The following CFAP221 variants were observed in gnomAD, a reference collection of about 807,000 sequenced individuals.
The protein encoded by CFAP221 is cilia and flagella associated protein 221.
Under a neutral mutation model 113.1 loss-of-function variants are expected in CFAP221, and 97 were observed. The ratio of observed to expected loss-of-function variants is 0.86; its 90% CI spans 0.73 to 1.02. CFAP221 has a LOEUF of 1.02. Ranked by LOEUF, CFAP221 falls within the 50% of genes least tolerant of loss-of-function variation. CFAP221 has a pLI of 0.00. For missense variants in CFAP221, 1,025 were observed against 1,013.4 expected (o/e 1.01, Z -0.16); for synonymous variants, 331 against 354.4 (o/e 0.93, Z 0.74).
At chr2:119,572,428 A>G (rs903780111) in intron 6 of CFAP221, 6 of 566,584 alleles carry the variant, frequency 1.1e-5, no homozygotes, top group African/African-American at 3.7e-5. Context: ...TACAATCTCA[A>G]TCTTCTTATA....
chr2:119,639,968 C>T lies in CFAP221; in HGVS notation c.2225+96C>T, dbSNP rs951790023. On this transcript the variant is annotated intron_variant, in intron 21 of 23. Coordinates refer to ENST00000413369, the MANE Select transcript of CFAP221 (RefSeq NM_001271049.2). ...AGTTAAATGCCAATAATATGTCAAACCATACTTTTAAAGCATGAGAGAAGT... is the reference window on the plus strand; with the variant it reads ...AGTTAAATGCCAATAATATGTCAAATCATACTTTTAAAGCATGAGAGAAGT... 3.8e-6 allele frequency: 4 copies of T among 1,039,640 alleles called. No homozygotes were observed. The African/African-American group carries it at 4.8e-5, about 12-fold the overall frequency. The allele number at this position is 1,039,640 out of a possible 1,614,324, so 64.4% of individuals were successfully genotyped here.
intron 6 of CFAP221, among the ~76,000 whole-genome samples, chr2:119,565,903 C>A (rs1310069897): frequency 1.3e-5 from 2 of 152,190 alleles, no homozygotes; most frequent in Non-Finnish European, 1.5e-5. Context: ...TTGAAGGTAT[C>A]ATTTGGGTGG....
intron 8 of CFAP221, among the ~76,000 whole-genome samples, chr2:119,602,249 C>A (rs1347656123): frequency 6.6e-6 from 1 of 152,060 alleles, no homozygotes; most frequent in East Asian, 1.9e-4. Context: ...ACGTGGCATC[C>A]TGTCTGTAAT....
At position 119,627,681 on chromosome 2, in the gene CFAP221, G is replaced by A. The variant is rs746545326; in HGVS notation, c.1545G>A (p.Arg515=). The A allele has an allele frequency of 6.2e-7, 1 of 1,613,306 alleles. No homozygotes were observed. Among genetic ancestry groups the A allele is most frequent in the South Asian group, 1.1e-5 (1 of 90,988 alleles). The change falls in exon 16 of 24, where the codon AGG becomes AGA. Residue 515 remains arginine, a synonymous_variant. Transcript: ENST00000413369. ...QEANFFKFFL[R]RISQDDYTSR... Reference sequence around the variant, plus strand: ...CGAATTTCTTCAAATTCTTCCTGAGGCGGATCAGTCAGGATGATTATACCA... The same window carrying A: ...CGAATTTCTTCAAATTCTTCCTGAGACGGATCAGTCAGGATGATTATACCA...
rs749010346 is a variant in CFAP221 at position 119,549,143 on chromosome 2, T to G, written c.198T>G (p.His66Gln). The G allele has an allele frequency of 9.9e-5, 152 of 1,535,090 alleles. No homozygotes were observed. Among genetic ancestry groups the G allele is most frequent in the Middle Eastern group, 5.0e-4 (3 of 6,004 alleles). ...TACAGGCAAGACCTGGCATAATACA[T>G]TTTGGAGGCTATCAAGTAGAAAAAC... ...KVIQARPGII[H>Q]FGGYQVEKQH... Residue 66 changes from histidine to glutamine, a missense_variant, in exon 3 of 24, where the codon CAT becomes CAG. Coordinates refer to ENST00000413369, the MANE Select transcript of CFAP221 (RefSeq NM_001271049.2).
Position 119,638,265 on chromosome 2 carries a change from A to G in CFAP221, c.1981A>G (p.Asn661Asp). The stretch of plus-strand genomic sequence containing the variant: ...TTTTCCCTGTCTTCGGCAGAATCCC[A>G]ACCCAGGATTATTTGCTGTAATGCA... ...DYDPLYVFNP[N>D]PGLFAVMHPL... Residue 661 changes from asparagine (N) to aspartate (D), a missense_variant, in exon 20 of 24, where the codon AAC (asparagine) becomes GAC (aspartate). Coordinates refer to ENST00000413369, the MANE Select transcript of CFAP221 (RefSeq NM_001271049.2). The G allele has an allele frequency of 6.2e-7, 1 of 1,614,086 alleles. No individual in the cohort carries two copies. Among genetic ancestry groups the G allele is most frequent in the Non-Finnish European group, 8.5e-7 (1 of 1,179,958 alleles).
chr2:119,657,030 G>T (rs1286869205), downstream of CFAP221, among the ~76,000 whole-genome samples: 1 of 152,098 alleles, frequency 6.6e-6, no homozygotes, highest in Non-Finnish European at 1.5e-5. Flanking sequence ...AGAAGCACCT[G>T]GAGCAGGAGG....
intron 6 of CFAP221, among the ~76,000 whole-genome samples, chr2:119,582,525 G>A (rs181508625): frequency 4.0e-5 from 6 of 149,866 alleles, no homozygotes; most frequent in African/African-American, 1.5e-4. Flanking sequence ...ATGCGCTCTC[G>A]GCTCACTAGA....
At chr2:119,574,789 A>G (rs983425235) in intron 6 of CFAP221, among the ~76,000 whole-genome samples, 4 of 152,206 alleles carry the variant, frequency 2.6e-5, no homozygotes, top group African/African-American at 9.7e-5. Flanking sequence ...TATTTAGAAT[A>G]GAGTAACTAC....
chr2:119,576,841 G>T (rs1682482928), intron 6 of CFAP221, among the ~76,000 whole-genome samples: 1 of 152,180 alleles, frequency 6.6e-6, no homozygotes, highest in African/African-American at 2.4e-5. Flanking sequence ...TTGGGGATTA[G>T]GGTTTAATCA....
At chr2:119,604,847 C>G (rs767142120) in intron 9 of CFAP221, 29 bp from the exon 10 acceptor site, 9 of 1,612,280 alleles carry the variant, frequency 5.6e-6, no homozygotes, top group Non-Finnish European at 6.8e-6. Context: ...GGCAGACTAA[C>G]TGATTTCCCT....
At chr2:119,635,940 C>G (rs968143048) in intron 19 of CFAP221, among the ~76,000 whole-genome samples, 1 of 152,076 alleles carries the variant, frequency 6.6e-6, no homozygotes, top group African/African-American at 2.4e-5. Flanking sequence ...AAAGAAGAAG[C>G]AATTATAATC....
chr2:119,655,302 A>AT (rs1361431687), intron 23 of CFAP221, among the ~76,000 whole-genome samples: 1 of 151,668 alleles, frequency 6.6e-6, no homozygotes. Context: ...TTGCTGACAC[A>AT]TTTTTCAGCA....
rs1686409133 is a variant in CFAP221 at position 119,627,645 on chromosome 2, A to T, written c.1517-8A>T. ...ACCCCCTAAAAGTGCCCTTTTTTTC[A>T]CCCATAGAGGCGAATTTCTTCAAAT... is the stretch of plus-strand genomic sequence containing the variant. On this transcript the variant is annotated splice_polypyrimidine_tract_variant and splice_region_variant and intron_variant, in intron 15 of 23. Coordinates refer to ENST00000413369, the MANE Select transcript of CFAP221 (RefSeq NM_001271049.2). 6.2e-7 allele frequency: 1 copy of T among 1,609,504 alleles called. No individual in the cohort carries two copies. The highest frequency in any genetic ancestry group is 1.3e-5 in the African/African-American group (1 of 74,230).
chr2:119,655,967 C>T (rs985890220), intron 23 of CFAP221: 1 of 212,710 alleles, frequency 4.7e-6, no homozygotes, highest in African/African-American at 2.3e-5. Context: ...TGTGTATCTA[C>T]CTCATTCATA....
intron 19 of CFAP221, among the ~76,000 whole-genome samples, chr2:119,637,669 G>A (rs910569134): frequency 3.9e-5 from 6 of 152,120 alleles, no homozygotes; most frequent in Non-Finnish European, 7.4e-5. Flanking sequence ...TGATATAATT[G>A]CTCTGTGCCT....
At chr2:119,620,002 T>C (rs1685789379) in intron 14 of CFAP221, among the ~76,000 whole-genome samples, 1 of 151,868 alleles carries the variant, frequency 6.6e-6, no homozygotes, top group Non-Finnish European at 1.5e-5. Context: ...AGATTGAAGA[T>C]CAACTTGATG....
intron 6 of CFAP221, among the ~76,000 whole-genome samples, chr2:119,579,510 C>G (rs1001046414): frequency 3.3e-5 from 5 of 152,098 alleles, no homozygotes; most frequent in Non-Finnish European, 7.4e-5. Context: ...ATTATGGTGG[C>G]CATGCAAACT....
At chr2:119,610,961 G>A (rs911277923) in intron 12 of CFAP221, among the ~76,000 whole-genome samples, 1 of 152,078 alleles carries the variant, frequency 6.6e-6, no homozygotes, top group Non-Finnish European at 1.5e-5. Flanking sequence ...TTGGCTCCTG[G>A]GAATAAGAAA....
Sources: allele counts gnomAD v4.1 joint callset (sites outside exome capture counted in the v4.1 genomes callset), GRCh38; gene constraint gnomAD v4.1.1; transcripts MANE v1.5; gene names NCBI Gene and HGNC (gene_info 2026-07-23, HGNC 2026-07-21).